Variants in RFX3 observed in about 807,000 individuals in gnomAD.
The protein encoded by RFX3 is regulatory factor X3, also known as transcription factor RFX3.
Under a neutral mutation model 98.6 loss-of-function variants are expected in RFX3, and 14 were observed. The observed-to-expected ratio is 0.14, with a 90% CI of 0.09 to 0.22. RFX3 has a LOEUF of 0.22. Among genes scored for constraint, RFX3 ranks in the 10% least tolerant of loss-of-function variants. The pLI is 1.00. For missense variants in RFX3, 639 were observed against 926.9 expected, an observed-to-expected ratio of 0.69 and a Z score of 4.03; for synonymous variants, 383 against 328.4, an observed-to-expected ratio of 1.17 and a Z score of -1.80.
chr9:3,302,374 C>G (rs111511991), intron 4 of RFX3, among the ~76,000 whole-genome samples: 66 of 151,804 alleles, frequency 4.3e-4, no homozygotes, highest in African/African-American at 1.5e-3. Context: ...TAATTAAGTA[C>G]CAGGTGTTAG....
intron 1 of RFX3, among the ~76,000 whole-genome samples, chr9:3,440,607 T>C (rs1845530362): frequency 6.6e-6 from 1 of 152,154 alleles, no homozygotes; most frequent in South Asian, 2.1e-4. Flanking sequence ...TAAAGAGGTA[T>C]AACTTGTTCA....
chr9:3,384,271 T>G (rs1839482687), intron 2 of RFX3, among the ~76,000 whole-genome samples: 1 of 152,192 alleles, frequency 6.6e-6, no homozygotes, highest in African/African-American at 2.4e-5. Context: ...TACTGGCCAG[T>G]ATTTACTGGT....
At chr9:3,516,624 T>C (rs943691824) in intron 1 of RFX3, among the ~76,000 whole-genome samples, 3 of 152,110 alleles carry the variant, frequency 2.0e-5, no homozygotes, top group Non-Finnish European at 4.4e-5. Context: ...GTTGAATAGC[T>C]TCAATAATTG....
Position 3,345,913 on chromosome 9 carries a change from C to G in RFX3, c.215+754G>C, listed in dbSNP as rs16917267. 7.9e-5 allele frequency among the ~76,000 whole-genome samples: 12 copies of G among 152,026 alleles called. 1 individual carries two copies. The highest frequency in any genetic ancestry group is 5.9e-4 in the Admixed American group (9 of 15,270). ...AATAAAGACAGCAGAGGTTATCATC[C>G]TGGAGTATACCAACACTGATGGGAG... On this transcript the variant is annotated intron_variant, in intron 3 of 16. Coordinates refer to ENST00000617270, the MANE Select transcript of RFX3 (RefSeq NM_001282116.2).
At chr9:3,355,072 A>G (rs1165888005) in intron 2 of RFX3, among the ~76,000 whole-genome samples, 1 of 151,892 alleles carries the variant, frequency 6.6e-6, no homozygotes, top group African/African-American at 2.4e-5. Context: ...TATTTTTTAA[A>G]TCTTTGAATA....
At chr9:3,324,564 G>A (rs755051696) in intron 4 of RFX3, among the ~76,000 whole-genome samples, 14 of 149,350 alleles carry the variant, frequency 9.4e-5, no homozygotes, top group East Asian at 3.9e-4. Flanking sequence ...AGCAAGATGC[G>A]GCATTTTTCT....
At chr9:3,227,263 G>A (rs1456537462) in intron 16 of RFX3, among the ~76,000 whole-genome samples, 1 of 152,178 alleles carries the variant, frequency 6.6e-6, no homozygotes, top group African/African-American at 2.4e-5. Flanking sequence ...TGTCTATTTT[G>A]TTGTGGATGG....
At position 3,233,152 on chromosome 9, in the gene RFX3, T is replaced by C. The variant is rs146712439; in HGVS notation, c.1969-4263A>G. Among the ~76,000 whole-genome samples the C allele has an allele frequency of 1.9e-3, 285 of 152,264 alleles. 3 individuals carry two copies. The highest frequency in any genetic ancestry group is 6.5e-3 in the African/African-American group (272 of 41,548). ...CAACAGCAGGCTGGGAAATGCATGC[T>C]CCAGGCAGCCAGTGAGAGTCTATTA... On this transcript the variant is annotated intron_variant, in intron 15 of 16. Transcript: ENST00000617270.
At chr9:3,241,764 T>C (rs1789007907) in intron 15 of RFX3, among the ~76,000 whole-genome samples, 1 of 152,210 alleles carries the variant, frequency 6.6e-6, no homozygotes, top group Non-Finnish European at 1.5e-5. Flanking sequence ...CTGTAGGGTG[T>C]AATTTGTTCT....
Position 3,219,332 on chromosome 9 carries a change from C to G in RFX3, c.*5710G>C, listed in dbSNP as rs1817224573. On this transcript the variant is annotated 3_prime_UTR_variant, in exon 17 of 17. Coordinates refer to ENST00000617270, the MANE Select transcript of RFX3 (RefSeq NM_001282116.2). ...TGGGAGTTTTTATATTTTCTTTCCT[C>G]CCCAGAATCAAAATTCTTCTAAAGA... The G allele has an allele frequency of 6.6e-6, 1 of 151,890 alleles. No individual in the cohort carries two copies. The allele number at this position is 151,890 out of a possible 1,614,324, so 9.4% of individuals were successfully genotyped here.
intron 1 of RFX3, among the ~76,000 whole-genome samples, chr9:3,453,088 T>C (rs149280666): frequency 2.1e-4 from 32 of 152,138 alleles, no homozygotes; most frequent in African/African-American, 7.2e-4. Context: ...CGTAAGACTG[T>C]TGGAAAGATT....
chr9:3,400,564 T>C (rs1841379248), intron 1 of RFX3, among the ~76,000 whole-genome samples: 1 of 152,204 alleles, frequency 6.6e-6, no homozygotes, highest in Admixed American at 6.5e-5. Flanking sequence ...AAACTTAGTC[T>C]CTCTTTTGTG....
At chr9:3,520,570 A>G (rs1344167125) in intron 1 of RFX3, among the ~76,000 whole-genome samples, 2 of 152,252 alleles carry the variant, frequency 1.3e-5, no homozygotes, top group Admixed American at 1.3e-4. Context: ...GTTTAAAAGT[A>G]TATGGCACAC....
chr9:3,500,513 T>C (rs1382783985), intron 1 of RFX3, among the ~76,000 whole-genome samples: 1 of 152,202 alleles, frequency 6.6e-6, no homozygotes, highest in African/African-American at 2.4e-5. Flanking sequence ...GATTCAGTGA[T>C]GTCAGCAGAC....
At position 3,247,780 on chromosome 9, in the gene RFX3, G is replaced by A. The variant is rs200970164; in HGVS notation, c.1968+252C>T. ...GTTCTCAAGTTTTTCTTTTACATAG[G>A]TACCTGTATAATATAGAGACACATT... On this transcript the variant is annotated intron_variant, in intron 15 of 16. Coordinates refer to ENST00000617270, the MANE Select transcript of RFX3 (RefSeq NM_001282116.2). The A allele has an allele frequency of 1.1e-4, 172 of 1,592,132 alleles. 1 individual carries two copies. The highest frequency in any genetic ancestry group is 5.1e-5 in the Non-Finnish European group (60 of 1,171,810).
chr9:3,232,478 T>G (rs1006492706), intron 15 of RFX3, among the ~76,000 whole-genome samples: 1 of 152,212 alleles, frequency 6.6e-6, no homozygotes, highest in Non-Finnish European at 1.5e-5. Flanking sequence ...CTAATATATG[T>G]CTTCCCAACC....
chr9:3,404,295 GT>G (rs1355702576), intron 1 of RFX3, among the ~76,000 whole-genome samples: 3 of 152,086 alleles, frequency 2.0e-5, no homozygotes, highest in African/African-American at 7.2e-5. Context: ...ATATGTATAT[GT>G]ATATACACTT....
chr9:3,522,178 T>C (rs1293240607), intron 1 of RFX3, among the ~76,000 whole-genome samples: 1 of 152,140 alleles, frequency 6.6e-6, no homozygotes, highest in Non-Finnish European at 1.5e-5. Flanking sequence ...AAAATGAAAG[T>C]GACACCTGTT....
intron 2 of RFX3, among the ~76,000 whole-genome samples, chr9:3,365,215 G>A (rs953042366): frequency 2.0e-5 from 3 of 150,098 alleles, no homozygotes; most frequent in Admixed American, 6.7e-5. Flanking sequence ...CAGGGGAATC[G>A]CTTGAACCCA....
Sources: gnomAD v4.1 joint callset for allele counts (sites outside exome capture counted in the v4.1 genomes callset) on GRCh38, gnomAD v4.1.1 for gene constraint, MANE v1.5 for transcripts, NCBI Gene and HGNC (gene_info 2026-07-23, HGNC 2026-07-21) for gene names.